ENTPD5: variants seen among roughly 807,000 people sequenced by gnomAD.
ENTPD5 encodes nucleoside diphosphate phosphatase ENTPD5.
ENTPD5 carries 49 observed loss-of-function variants against 60.2 expected under a neutral mutation model. The observed-to-expected ratio is 0.81, with a 90% CI of 0.65 to 1.03. The LOEUF is 1.03. Ranked by LOEUF, ENTPD5 falls within the 50% of genes least tolerant of loss-of-function variation. ENTPD5 has a pLI of 0.00. For synonymous variants in ENTPD5, 187 were observed against 185.4 expected (o/e 1.01, Z -0.07); for missense variants, 480 against 507.6 (o/e 0.95, Z 0.52).
chr14:74,000,960 A>G (rs763423539), intron 3 of ENTPD5, among the ~76,000 whole-genome samples: 2 of 151,924 alleles, frequency 1.3e-5, no homozygotes, highest in Non-Finnish European at 1.5e-5. Flanking sequence ...GTGGCACGTG[A>G]CCATAGTCCC....
At chr14:73,957,957 T>G, downstream of ENTPD5, 2 of 586,092 alleles carry the variant, frequency 3.4e-6, no homozygotes, top group Non-Finnish European at 6.1e-6. Context: ...TGTCTTTTTT[T>G]GACATTGAGT....
Position 73,971,885 on chromosome 14 carries a change from T to C in ENTPD5, c.1051A>G (p.Lys351Glu). 1 of 1,604,182 alleles carries C rather than the reference T, an allele frequency of 6.2e-7. No homozygotes were observed. The highest frequency in any genetic ancestry group is 8.5e-7 in the Non-Finnish European group (1 of 1,170,922). Residue 351 changes from lysine (K) to glutamate (E), a missense_variant, in exon 14 of 16, where the codon AAA becomes GAA. Lys to Glu is a moderately conservative substitution (Grantham distance 56, BLOSUM62 1). Transcript: ENST00000334696. ...GCTTTTCTTTCAAAATCTTCAACTT[T>C]TAAAATACCCCCCTTTTCATAATCT... ...MIDYEKGGIL[K>E]VEDFERKARE...
At chr14:74,007,993 G>C (rs58821363) in intron 3 of ENTPD5, among the ~76,000 whole-genome samples, 20,647 of 151,598 alleles carry the variant, frequency 0.14, 1,969 homozygotes, top group East Asian at 0.57. Flanking sequence ...ACCATGCTCA[G>C]CTAATTTTTT....
chr14:74,003,119 C>T (rs149513824), intron 3 of ENTPD5, among the ~76,000 whole-genome samples: 1 of 152,296 alleles, frequency 6.6e-6, no homozygotes, highest in African/African-American at 2.4e-5. Context: ...CACATGCTCC[C>T]ACCTCTACCT....
At chr14:73,992,491 C>T (rs2058173197) in intron 3 of ENTPD5, among the ~76,000 whole-genome samples, 1 of 151,790 alleles carries the variant, frequency 6.6e-6, no homozygotes, top group South Asian at 2.1e-4. Context: ...TTGAGACCAG[C>T]CTGGCCAACA....
chr14:74,015,220 A>G (rs1265224732), intron 2 of ENTPD5, among the ~76,000 whole-genome samples: 1 of 152,148 alleles, frequency 6.6e-6, no homozygotes, highest in Non-Finnish European at 1.5e-5. Context: ...ACCATCTGCT[A>G]TAAGGTGATC....
chr14:73,982,429 A>G (rs1365743511), intron 6 of ENTPD5, among the ~76,000 whole-genome samples: 1 of 152,136 alleles, frequency 6.6e-6, no homozygotes, highest in Non-Finnish European at 1.5e-5. Flanking sequence ...TTGATTAGAA[A>G]CGACTTCTGA....
chr14:74,018,421 G>A (rs960226022), intron 1 of ENTPD5: 5 of 152,200 alleles, frequency 3.3e-5, no homozygotes, highest in African/African-American at 9.7e-5. Context: ...TAACAGAGCA[G>A]AGCTTCAACC....
rs2140762970 is a variant in ENTPD5 at position 73,999,070 on chromosome 14, TACTA to T, written c.-70-10902_-70-10899del. On this transcript the variant is annotated intron_variant, in intron 3 of 15. Transcript: ENST00000334696. ...AATTCTACTAATGCTTACTGATGCC[TACTA>T]ACTGCTAGGTGCCAGAAAAGTAAAG... is the stretch of plus-strand genomic sequence containing the variant. Among the ~76,000 whole-genome samples, 3 of 152,288 alleles carry T rather than the reference TACTA, an allele frequency of 2.0e-5. No individual in the cohort carries two copies. In the East Asian group the frequency reaches 5.8e-4, roughly 29 times the overall value.
chr14:74,015,076 C>A, intron 2 of ENTPD5, among the ~76,000 whole-genome samples: 1 of 109,782 alleles, frequency 9.1e-6, no homozygotes. Context: ...GCAAGACTAC[C>A]TCTCAAAAAA....
intron 1 of ENTPD5, 101 bp from the exon 2 acceptor site, chr14:74,016,031 T>G (rs1410425017): frequency 3.3e-5 from 5 of 152,230 alleles, no homozygotes; most frequent in African/African-American, 1.2e-4. Context: ...CAAGGAAAAT[T>G]TATTTAGTAA....
At chr14:74,007,404 T>C (rs1029917525) in intron 3 of ENTPD5, among the ~76,000 whole-genome samples, 7 of 151,848 alleles carry the variant, frequency 4.6e-5, no homozygotes, top group African/African-American at 1.7e-4. Context: ...GCCTGTAGTC[T>C]CAGCTACTCA....
At chr14:73,986,779 T>C (rs376423583) in intron 5 of ENTPD5, 35 bp downstream of exon 5, 9 of 1,462,762 alleles carry the variant, frequency 6.2e-6, no homozygotes, top group African/African-American at 4.2e-5. Flanking sequence ...TATCAAGGCA[T>C]TGAGAATCTA....
At chr14:73,984,098 G>C (rs1398343199) in intron 5 of ENTPD5, among the ~76,000 whole-genome samples, 1 of 151,972 alleles carries the variant, frequency 6.6e-6, no homozygotes, top group African/African-American at 2.4e-5. Context: ...CACAATCTCG[G>C]CTCACTGCAA....
At chr14:74,012,926 T>G (rs2058890029) in intron 2 of ENTPD5, among the ~76,000 whole-genome samples, 1 of 152,214 alleles carries the variant, frequency 6.6e-6, no homozygotes, top group Admixed American at 6.5e-5. Context: ...GTCTGCAGGA[T>G]AAAAGACAAA....
intron 3 of ENTPD5, among the ~76,000 whole-genome samples, chr14:73,991,604 T>C: frequency 3.5e-5 from 1 of 28,372 alleles, no homozygotes; most frequent in East Asian, 7.5e-4. Context: ...AAAAAAACAA[T>C]AACCAAAAAA....
At chr14:73,973,784 G>A in intron 12 of ENTPD5, 93 bp downstream of exon 12, 1 of 1,049,412 alleles carries the variant, frequency 9.5e-7, no homozygotes, top group Non-Finnish European at 1.5e-6. Flanking sequence ...AACAAGATAA[G>A]CTTCTCTTGA....
chr14:73,971,162 G>GTTT (rs113156308), intron 14 of ENTPD5, among the ~76,000 whole-genome samples: 1 of 144,470 alleles, frequency 6.9e-6, no homozygotes, highest in Non-Finnish European at 1.5e-5. Flanking sequence ...AAGCCTCTTT[G>GTTT]TTTTTTTTTT....
intron 3 of ENTPD5, among the ~76,000 whole-genome samples, chr14:74,005,660 T>C: frequency 6.6e-6 from 1 of 150,696 alleles, no homozygotes; most frequent in Non-Finnish European, 1.5e-5. Context: ...ATACAAAAAT[T>C]AGCTGGGTGT....
Sources: allele counts gnomAD v4.1 joint callset (sites outside exome capture counted in the v4.1 genomes callset), GRCh38; gene constraint gnomAD v4.1.1; transcripts MANE v1.5; gene names NCBI Gene and HGNC (gene_info 2026-07-23, HGNC 2026-07-21).